The following ZNF16 variants were observed in gnomAD, a reference collection of about 807,000 sequenced individuals.
The protein encoded by ZNF16 is zinc finger protein 16, also known as zinc finger protein KOX9.
In ZNF16, 7 loss-of-function variants were observed where a neutral mutation model predicts 9.0. The observed-to-expected ratio is 0.78, with a 90% CI of 0.44 to 1.47. ZNF16 has a LOEUF of 1.47. Among genes scored for constraint, ZNF16 ranks in the 40% most tolerant of loss-of-function variants. The pLI, the probability that ZNF16 is intolerant of heterozygous loss-of-function variation, is 0.01. For missense variants in ZNF16, 830 were observed against 854.2 expected (o/e 0.97, Z 0.35); for synonymous variants, 312 against 301.5 (o/e 1.03, Z -0.36).
rs1025947815 is a variant in ZNF16, at chr8:144,930,722, C to G, written c.*16G>C. 6.6e-7 allele frequency: 1 copy of G among 1,517,604 alleles called. No homozygotes were observed. The allele number at this position is 1,517,604 out of a possible 1,614,324, so 94.0% of individuals were successfully genotyped here. On this transcript the variant is annotated 3_prime_UTR_variant, in exon 3 of 3. Transcript: ENST00000394909. ...GAGGAAACTATGCTCGGTTTCACTC[C>G]TGCCAGCCCAACAGCCTATTCCCTG...
At position 144,931,361 on chromosome 8, in the gene ZNF16, G is replaced by C. The variant is rs1833533220; in HGVS notation, c.1426C>G (p.Leu476Val). 1 of 1,614,172 alleles carries C rather than the reference G, an allele frequency of 6.2e-7. No homozygotes were observed. The highest frequency in any genetic ancestry group is 1.3e-5 in the African/African-American group (1 of 75,030). Residue 476 changes from leucine to valine, a missense_variant, in exon 3 of 3, where the codon CTC (leucine) becomes GTC (valine). Transcript: ENST00000394909. ...GTGTGGATGATCTGGTGCTTTCGGA[G>C]CACTGAGCTATAACTAAAGGCTTTT... is the stretch of plus-strand genomic sequence containing the variant. The part of the protein sequence containing the change: ...CGKAFSYSSV[L>V]RKHQIIHTGE...
chr8:144,931,099 T>C lies in ZNF16; in HGVS notation c.1688A>G (p.His563Arg), dbSNP rs138351243. 17 of 1,614,142 alleles carry C rather than the reference T, an allele frequency of 1.1e-5. No individual in the cohort carries two copies. The highest frequency in any genetic ancestry group is 1.4e-5 in the Non-Finnish European group (16 of 1,180,050). ...TFSQSSTLIQHQRIHNGLKPH... is the reference protein window; with the variant it reads ...TFSQSSTLIQRQRIHNGLKPH... ...CTTCAGCCCATTATGAATCCTCTGA[T>C]GCTGAATGAGGGTTGAGCTCTGGCT... Residue 563 changes from histidine to arginine, a missense_variant, in exon 3 of 3, where the codon CAT becomes CGT. Physicochemically the swap from His to Arg is conservative, Grantham distance 29 (BLOSUM62 0). Coordinates refer to ENST00000394909, the MANE Select transcript of ZNF16 (RefSeq NM_006958.3).
chr8:144,945,747 G>A (rs1305322170), intron 2 of ZNF16: 3 of 492,412 alleles, frequency 6.1e-6, no homozygotes, highest in Non-Finnish European at 1.0e-5. Flanking sequence ...GGGGTCAGGA[G>A]TATAGGGCAA....
rs1312496547 is a variant in ZNF16 at position 144,932,372 on chromosome 8, C to T, written c.415G>A (p.Ala139Thr). The change falls in exon 3 of 3, where the codon GCT (alanine) becomes ACT (threonine). Residue 139 changes from alanine (A) to threonine (T), a missense_variant. Coordinates refer to ENST00000394909, the MANE Select transcript of ZNF16 (RefSeq NM_006958.3). This position sits in a 1 kb window ranked among gnomAD's most constrained non-coding sequence, Gnocchi z 5.0. ...GGGCCCCTAAGGAGCCCCATGGCAG[C>T]TGGTGTGAAGTCCCCCTCCTGGGAG... is the stretch of plus-strand genomic sequence containing the variant. Reference protein sequence around the residue: ...SLSQEGDFTPAAMGLLRGPLG... With the variant: ...SLSQEGDFTPTAMGLLRGPLG... 2 of 1,614,156 alleles carry T rather than the reference C, an allele frequency of 1.2e-6. No homozygotes were observed. The highest frequency in any genetic ancestry group is 1.7e-6 in the Non-Finnish European group (2 of 1,180,002).
Position 144,931,787 on chromosome 8 carries a change from A to G in ZNF16, c.1000T>C (p.Ser334Pro), listed in dbSNP as rs766522290. The G allele has an allele frequency of 4.8e-5, 78 of 1,614,030 alleles. 1 individual carries two copies. In the South Asian group the frequency reaches 8.3e-4, roughly 17 times the overall value. ...NECGKAFRRSSNLIQHQRIHS... is the reference protein window; with the variant it reads ...NECGKAFRRSPNLIQHQRIHS... Reference sequence around the variant, plus strand: ...ATTCTTTGATGTTGGATGAGGTTTGAGCTCCGCCTAAAAGCCTTCCCACAT... The same window carrying G: ...ATTCTTTGATGTTGGATGAGGTTTGGGCTCCGCCTAAAAGCCTTCCCACAT... The change falls in exon 3 of 3, where the codon TCA (serine) becomes CCA (proline). Residue 334 changes from serine (S) to proline (P), a missense_variant. Ser to Pro is a moderately conservative substitution (Grantham distance 74, BLOSUM62 -1). Transcript: ENST00000394909.
intron 2 of ZNF16, among the ~76,000 whole-genome samples, chr8:144,940,806 C>G (rs897924649): frequency 2.0e-4 from 30 of 152,288 alleles, no homozygotes; most frequent in African/African-American, 6.7e-4. Context: ...GATCAAGGTG[C>G]CAGTGGATTC....
rs532221062 is a variant in ZNF16, at chr8:144,932,631, C to T, written c.197-41G>A. 53 of 1,578,314 alleles carry T rather than the reference C, an allele frequency of 3.4e-5. No homozygotes were observed. Among genetic ancestry groups the T allele is most frequent in the Admixed American group, 1.4e-4 (8 of 57,610 alleles). Reference sequence around the variant, plus strand: ...GAATATCACTTGGAAGGCAGTGCTGCAGCAGGAGCAGGAACATAGACAGTC... The same window carrying T: ...GAATATCACTTGGAAGGCAGTGCTGTAGCAGGAGCAGGAACATAGACAGTC... On this transcript the variant is annotated intron_variant, in intron 2 of 2. Transcript: ENST00000394909. This position sits in a 1 kb window ranked among gnomAD's most constrained non-coding sequence, Gnocchi z 5.0.
In ZNF16 at chr8:144,932,641, A is replaced by C. The variant is rs746143375; in HGVS notation, c.197-51T>G. 1.9e-6 allele frequency: 3 copies of C among 1,569,388 alleles called. No individual in the cohort carries two copies. Among genetic ancestry groups the C allele is most frequent in the Non-Finnish European group, 2.6e-6 (3 of 1,156,634 alleles). ...TGGAAGGCAGTGCTGCAGCAGGAGC[A>C]GGAACATAGACAGTCACAGTTGCAC... On this transcript the variant is annotated intron_variant, in intron 2 of 2. Transcript: ENST00000394909. The surrounding 1 kb of genome is among the most constrained non-coding windows in gnomAD (Gnocchi z 5.0).
chr8:144,940,396 T>C (rs1191811022), intron 2 of ZNF16, among the ~76,000 whole-genome samples: 1 of 152,206 alleles, frequency 6.6e-6, no homozygotes. Context: ...GCTATAAATT[T>C]CCCTTTTGAC....
chr8:144,932,550 C>T lies in ZNF16; in HGVS notation c.237G>A (p.Lys79=). 1.2e-6 allele frequency: 2 copies of T among 1,614,010 alleles called. No individual in the cohort carries two copies. The highest frequency in any genetic ancestry group is 1.7e-6 in the Non-Finnish European group (2 of 1,179,960). ...TRTEDKEFLH[K]EDIHEDLESQ... ...ATTCCAAATCTTCATGAATGTCTTC[C>T]TTGTGAAGAAACTCCTTGTCTTCAG... The change falls in exon 3 of 3, where the codon AAG becomes AAA. Residue 79 remains lysine (K), a synonymous_variant. Coordinates refer to ENST00000394909, the MANE Select transcript of ZNF16 (RefSeq NM_006958.3). This position sits in a 1 kb window ranked among gnomAD's most constrained non-coding sequence, Gnocchi z 5.0.
intron 1 of ZNF16, among the ~76,000 whole-genome samples, chr8:144,949,782 C>T (rs886219050): frequency 3.9e-5 from 6 of 152,294 alleles, no homozygotes; most frequent in African/African-American, 1.4e-4. Flanking sequence ...CCTTGGAAAG[C>T]CGGGTATTGT....
intron 2 of ZNF16, chr8:144,944,457 G>A (rs1229136721): frequency 6.8e-6 from 1 of 147,770 alleles, no homozygotes; most frequent in Non-Finnish European, 1.5e-5. Flanking sequence ...GTGGTGCTGG[G>A]TTACAGGTGT....
In ZNF16 at chr8:144,932,604, T is replaced by C. The variant is rs1400038337; in HGVS notation, c.197-14A>G. The C allele has an allele frequency of 1.2e-6, 2 of 1,605,020 alleles. No individual in the cohort carries two copies. Among genetic ancestry groups the C allele is most frequent in the African/African-American group, 1.3e-5 (1 of 74,684 alleles). ...TGGTGTCACAATCTGAAACAATAAA[T>C]AGAATATCACTTGGAAGGCAGTGCT... On this transcript the variant is annotated splice_polypyrimidine_tract_variant and intron_variant, in intron 2 of 2. Transcript: ENST00000394909. The surrounding 1 kb of genome is among the most constrained non-coding windows in gnomAD (Gnocchi z 5.0).
At chr8:144,936,792 T>C (rs1416938839) in intron 2 of ZNF16, among the ~76,000 whole-genome samples, 1 of 152,046 alleles carries the variant, frequency 6.6e-6, no homozygotes, top group Non-Finnish European at 1.5e-5. Context: ...AGTGGCATGA[T>C]CTCGGCTCAA....
In ZNF16 at chr8:144,931,259, C is replaced by T. The variant is rs150397878; in HGVS notation, c.1528G>A (p.Val510Met). 640 of 1,613,394 alleles carry T rather than the reference C, an allele frequency of 4.0e-4. 1 individual carries two copies. In the African/African-American group the frequency reaches 7.1e-3, roughly 18 times the overall value. ...GCGTAGGGCTTGTCGCCTGTGTGCACGCCCTGGTGCTGAATGAGGGCTGAG... is the reference window on the plus strand; with the variant it reads ...GCGTAGGGCTTGTCGCCTGTGTGCATGCCCTGGTGCTGAATGAGGGCTGAG... ...HSSALIQHQGVHTGDKPYACH... is the reference protein window; with the variant it reads ...HSSALIQHQGMHTGDKPYACH... The change falls in exon 3 of 3, where the codon GTG (valine) becomes ATG (methionine). Residue 510 changes from valine to methionine, a missense_variant. Physicochemically the swap from Val to Met is conservative, Grantham distance 21 (BLOSUM62 1). Coordinates refer to ENST00000394909, the MANE Select transcript of ZNF16 (RefSeq NM_006958.3).
At chr8:144,940,773 G>C (rs1437280022) in intron 2 of ZNF16, among the ~76,000 whole-genome samples, 1 of 152,232 alleles carries the variant, frequency 6.6e-6, no homozygotes, top group East Asian at 1.9e-4. Context: ...ATTGCTCACA[G>C]TTCTGGAGGC....
At chr8:144,944,781 C>G (rs1463902916) in intron 2 of ZNF16, 3 of 152,182 alleles carry the variant, frequency 2.0e-5, no homozygotes, top group African/African-American at 7.2e-5. Flanking sequence ...GTCACATGTT[C>G]ATTTAGTGAC....
rs571781326 is a variant in ZNF16, at chr8:144,932,938, T to C, written c.197-348A>G. On this transcript the variant is annotated intron_variant, in intron 2 of 2. Transcript: ENST00000394909. The surrounding 1 kb of genome is among the most constrained non-coding windows in gnomAD (Gnocchi z 5.0). Reference sequence around the variant, plus strand: ...ACACCCACACCAAACCACTGGCAAGTCCTGTCAGCTCTACCTCAGAGTGCA... The same window carrying C: ...ACACCCACACCAAACCACTGGCAAGCCCTGTCAGCTCTACCTCAGAGTGCA... Among the ~76,000 whole-genome samples, 1 of 152,306 alleles carries C rather than the reference T, an allele frequency of 6.6e-6. No homozygotes were observed. Among genetic ancestry groups the C allele is most frequent in the African/African-American group, 2.4e-5 (1 of 41,560 alleles).
At chr8:144,934,407 C>T (rs553187731) in intron 2 of ZNF16, among the ~76,000 whole-genome samples, 1 of 152,388 alleles carries the variant, frequency 6.6e-6, no homozygotes, top group Non-Finnish European at 1.5e-5. Flanking sequence ...CCCTGCTGCC[C>T]TTTGGCAGGC....
Sources: gnomAD v4.1 joint callset for allele counts (sites outside exome capture counted in the v4.1 genomes callset) on GRCh38, gnomAD v4.1.1 for gene constraint, Gnocchi (gnomAD v3.1) non-coding constraint, MANE v1.5 for transcripts, NCBI Gene and HGNC (gene_info 2026-07-23, HGNC 2026-07-21) for gene names.